The following VANGL1 variants were observed in gnomAD, a reference collection of about 807,000 sequenced individuals.
VANGL1 encodes VANGL planar cell polarity protein 1.
In VANGL1, 18 loss-of-function variants were observed where a neutral mutation model predicts 48.4. That is an observed-to-expected ratio of 0.37 (90% CI 0.26 to 0.55). The LOEUF (loss-of-function observed/expected upper bound fraction) is 0.55, where lower values mean the gene tolerates loss of function less well. Ranked by LOEUF, VANGL1 falls within the 20% of genes least tolerant of loss-of-function variation. VANGL1 has a pLI of 0.81. For missense variants in VANGL1, 667 were observed against 675.8 expected (o/e 0.99, Z 0.14); for synonymous variants, 257 against 261.8 (o/e 0.98, Z 0.18).
At chr1:115,650,495 CTG>C (rs2101302261) in intron 1 of VANGL1, among the ~76,000 whole-genome samples, 1 of 152,260 alleles carries the variant, frequency 6.6e-6, no homozygotes, top group Admixed American at 6.5e-5. Flanking sequence ...CTTTCATTTT[CTG>C]TGTCTCCTTT....
intron 3 of VANGL1, among the ~76,000 whole-genome samples, chr1:115,660,058 C>T (rs567632120): frequency 1.1e-4 from 17 of 152,098 alleles, no homozygotes; most frequent in Admixed American, 5.2e-4. Context: ...AAGTCTCCCA[C>T]GACTCATTTC....
chr1:115,680,954 A>C (rs930036812), intron 4 of VANGL1, among the ~76,000 whole-genome samples: 2 of 152,208 alleles, frequency 1.3e-5, no homozygotes, highest in Admixed American at 1.3e-4. Flanking sequence ...AGATAAAAAT[A>C]TATCTGTGGT....
At chr1:115,683,875 A>G in intron 5 of VANGL1, 69 bp from the exon 6 acceptor site, 1 of 1,580,772 alleles carries the variant, frequency 6.3e-7, no homozygotes, top group Middle Eastern at 1.8e-4. Flanking sequence ...CAGATTGGGT[A>G]CTAGTTTTCT....
chr1:115,656,568 C>T (rs1652362817), intron 2 of VANGL1, among the ~76,000 whole-genome samples: 1 of 152,228 alleles, frequency 6.6e-6, no homozygotes, highest in African/African-American at 2.4e-5. Context: ...AAGTTTAAGA[C>T]ACACTGGTTA....
In VANGL1 at chr1:115,682,462, A is replaced by G. The variant is rs1181615650; in HGVS notation, c.911A>G (p.Lys304Arg). Residue 304 changes from lysine to arginine, a missense_variant, in exon 5 of 8, where the codon AAG becomes AGG. By Grantham distance (26) the Lys-to-Arg change is conservative. Transcript: ENST00000355485. ...LLTASKFRAA[K>R]HMAGLKVYNV... ...ACAGCCTCCAAATTCCGAGCAGCCAAGCATATGGCCGGGCTGAAAGTCTAC... is the reference window on the plus strand; with the variant it reads ...ACAGCCTCCAAATTCCGAGCAGCCAGGCATATGGCCGGGCTGAAAGTCTAC... 1 of 1,614,070 alleles carries G rather than the reference A, an allele frequency of 6.2e-7. No homozygotes were observed. Among genetic ancestry groups the G allele is most frequent in the Non-Finnish European group, 8.5e-7 (1 of 1,180,056 alleles).
At chr1:115,676,942 G>A (rs538427354) in intron 4 of VANGL1, among the ~76,000 whole-genome samples, 1 of 152,334 alleles carries the variant, frequency 6.6e-6, no homozygotes, top group South Asian at 2.1e-4. Flanking sequence ...TGCAGATGAA[G>A]AGTATGAGGT....
chr1:115,648,672 A>G (rs1652028057), intron 1 of VANGL1, among the ~76,000 whole-genome samples: 1 of 152,244 alleles, frequency 6.6e-6, no homozygotes, highest in Non-Finnish European at 1.5e-5. Context: ...AGAGTATTAA[A>G]TGACCTCATT....
intron 1 of VANGL1, among the ~76,000 whole-genome samples, chr1:115,650,580 A>G (rs1475091651): frequency 3.3e-5 from 5 of 152,176 alleles, no homozygotes; most frequent in South Asian, 2.1e-4. Flanking sequence ...TGTATCAACA[A>G]TACTGTATCC....
chr1:115,681,491 C>CTT (rs1287173554), intron 4 of VANGL1, among the ~76,000 whole-genome samples: 14 of 113,708 alleles, frequency 1.2e-4, no homozygotes, highest in South Asian at 3.5e-4. Context: ...CGGAGGCTCT[C>CTT]TTTTTTTTGT....
rs1442155376 is a variant in VANGL1, at chr1:115,691,147, G to T, written c.1343G>T (p.Gly448Val). ...KAFLERYLSA[G>V]PTLQYDKDRW... is the part of the protein sequence containing the mutation. ...TTCCTAGAACGGTACCTCAGTGCGG[G>T]CCCCACCCTGCAATATGACAAGGAC... is the stretch of plus-strand genomic sequence containing the variant. Residue 448 changes from glycine to valine, a missense_variant, in exon 8 of 8, where the codon GGC becomes GTC. Gly to Val is a moderately radical substitution (Grantham distance 109, BLOSUM62 -3). Coordinates refer to ENST00000355485, the MANE Select transcript of VANGL1 (RefSeq NM_138959.3). 6.2e-7 allele frequency: 1 copy of T among 1,614,028 alleles called. No homozygotes were observed. Among genetic ancestry groups the T allele is most frequent in the African/African-American group, 1.3e-5 (1 of 74,906 alleles).
chr1:115,665,846 T>C (rs1030155929), intron 4 of VANGL1, among the ~76,000 whole-genome samples: 1 of 152,210 alleles, frequency 6.6e-6, no homozygotes, highest in Non-Finnish European at 1.5e-5. Flanking sequence ...ACATCTGCTG[T>C]GTGCAGAGCC....
chr1:115,655,050 C>T (rs530261413), intron 2 of VANGL1, among the ~76,000 whole-genome samples: 56 of 152,220 alleles, frequency 3.7e-4, no homozygotes, highest in African/African-American at 1.1e-3. Flanking sequence ...AAAAGAGGGC[C>T]GCCGGGGCAG....
rs772520606 is a variant in VANGL1, at chr1:115,696,405, CAG to C, written c.*5029_*5030del. The C allele has an allele frequency of 1.3e-5, 2 of 152,228 alleles. No individual in the cohort carries two copies. Among genetic ancestry groups the C allele is most frequent in the Non-Finnish European group, 2.9e-5 (2 of 68,042 alleles). The allele number at this position is 152,228 out of a possible 1,614,324, so 9.4% of individuals were successfully genotyped here. ...TCACACTTGCCCCCAAGACTTTTGACAGAGCAGACGTAAAACAGGACTCAGAA... is the reference window on the plus strand; with the variant it reads ...TCACACTTGCCCCCAAGACTTTTGACAGCAGACGTAAAACAGGACTCAGAA... On this transcript the variant is annotated 3_prime_UTR_variant, in exon 8 of 8. Transcript: ENST00000355485.
chr1:115,663,139 T>C (rs1459439435), intron 3 of VANGL1, among the ~76,000 whole-genome samples: 1 of 152,168 alleles, frequency 6.6e-6, no homozygotes, highest in Non-Finnish European at 1.5e-5. Flanking sequence ...TGGGTTTGTG[T>C]AGTGGTGTAA....
intron 1 of VANGL1, among the ~76,000 whole-genome samples, chr1:115,643,025 G>A (rs966211018): frequency 6.6e-6 from 1 of 152,206 alleles, no homozygotes; most frequent in African/African-American, 2.4e-5. Flanking sequence ...CAGGTCTAAT[G>A]CCCACGCTGC....
At chr1:115,647,400 G>A (rs1322838598) in intron 1 of VANGL1, among the ~76,000 whole-genome samples, 2 of 152,188 alleles carry the variant, frequency 1.3e-5, no homozygotes, top group Non-Finnish European at 2.9e-5. Context: ...GTATGCAAGG[G>A]AACTATCTCA....
chr1:115,684,308 T>C (rs572465506), intron 6 of VANGL1, among the ~76,000 whole-genome samples: 69 of 151,848 alleles, frequency 4.5e-4, no homozygotes, highest in African/African-American at 1.7e-3. Flanking sequence ...CCGGCTAATA[T>C]TTGGTATTTT....
In VANGL1 at chr1:115,687,707, G is replaced by C. The variant is rs1314110117; in HGVS notation, c.1314+2180G>C. Among the ~76,000 whole-genome samples, 8 of 37,164 alleles carry C rather than the reference G, an allele frequency of 2.2e-4. 2 individuals are homozygous for C. Among genetic ancestry groups the C allele is most frequent in the Non-Finnish European group, 3.9e-4 (8 of 20,260 alleles). 24.4% of individuals were successfully genotyped at this position (37,164 alleles called of 152,430 possible). On this transcript the variant is annotated intron_variant, in intron 7 of 7. Transcript: ENST00000355485. ...TTGGGTCATTGCTCTCTCTTTCTCTGTGTGTGTGTGTGTGTGTGTGTGTGT... is the reference window on the plus strand; with the variant it reads ...TTGGGTCATTGCTCTCTCTTTCTCTCTGTGTGTGTGTGTGTGTGTGTGTGT...
chr1:115,696,251 C>T lies in VANGL1; in HGVS notation c.*4872C>T, dbSNP rs1654024345. 1 of 152,314 alleles carries T rather than the reference C, an allele frequency of 6.6e-6. No homozygotes were observed. The highest frequency in any genetic ancestry group is 6.5e-5 in the Admixed American group (1 of 15,288). 9.4% of individuals were successfully genotyped at this position (152,314 alleles called of 1,614,324 possible). On this transcript the variant is annotated 3_prime_UTR_variant, in exon 8 of 8. Coordinates refer to ENST00000355485, the MANE Select transcript of VANGL1 (RefSeq NM_138959.3). Reference sequence around the variant, plus strand: ...TGCCATGGCAACATTATGCCCCAAACTTCTTCCCTGGTTGGAGTGAGAGGG... The same window carrying T: ...TGCCATGGCAACATTATGCCCCAAATTTCTTCCCTGGTTGGAGTGAGAGGG...
Sources: allele counts gnomAD v4.1 joint callset (sites outside exome capture counted in the v4.1 genomes callset), GRCh38; gene constraint gnomAD v4.1.1; transcripts MANE v1.5; gene names NCBI Gene and HGNC (gene_info 2026-07-23, HGNC 2026-07-21).